The following LRP1B variants were observed in gnomAD, a reference collection of about 807,000 sequenced individuals.
LRP1B encodes the protein LDL receptor related protein 1B, also known as low-density lipoprotein receptor-related protein 1B.
In LRP1B, 217 loss-of-function variants were observed where a neutral mutation model predicts 556.6. The ratio of observed to expected loss-of-function variants is 0.39; its 90% CI spans 0.35 to 0.44. The LOEUF is 0.44. LRP1B is among the 20% of genes least tolerant of loss of function. The pLI is 1.00. For synonymous variants in LRP1B, 2,047 were observed against 1,865.8 expected (o/e 1.10, Z -2.50); for missense variants, 5,053 against 5,620.8 (o/e 0.90, Z 3.23).
intron 81 of LRP1B, 45 bp from the exon 82 acceptor site, chr2:140,322,133 A>G: frequency 6.4e-7 from 1 of 1,556,246 alleles, no homozygotes; most frequent in Non-Finnish European, 8.7e-7. Flanking sequence ...ATATAGATAC[A>G]ATAGGCTTCA....
chr2:140,763,371 C>G (rs1045547053), intron 35 of LRP1B, among the ~76,000 whole-genome samples: 17 of 152,068 alleles, frequency 1.1e-4, no homozygotes, highest in Middle Eastern at 3.4e-3. Context: ...AGAAATATGG[C>G]AGCACAAAGT....
At chr2:141,350,936 A>G (rs1451986347) in intron 3 of LRP1B, among the ~76,000 whole-genome samples, 2 of 152,080 alleles carry the variant, frequency 1.3e-5, no homozygotes, top group Admixed American at 6.6e-5. Flanking sequence ...TTCATTGTGC[A>G]CTATTAAACC....
At chr2:141,095,888 T>G (rs1253277369) in intron 7 of LRP1B, among the ~76,000 whole-genome samples, 1 of 152,108 alleles carries the variant, frequency 6.6e-6, no homozygotes, top group Non-Finnish European at 1.5e-5. Flanking sequence ...ATCAGTACAT[T>G]CTTCCCAGAT....
chr2:142,076,857 T>C (rs1407643861), intron 1 of LRP1B, among the ~76,000 whole-genome samples: 1 of 152,118 alleles, frequency 6.6e-6, no homozygotes, highest in African/African-American at 2.4e-5. Context: ...ATATTTATGA[T>C]TGGAATTTTC....
intron 1 of LRP1B, among the ~76,000 whole-genome samples, chr2:141,971,844 C>A (rs192703612): frequency 6.4e-4 from 97 of 151,556 alleles, no homozygotes; most frequent in Non-Finnish European, 1.3e-3. Context: ...TTGAAACTGA[C>A]AATCTGTCAG....
chr2:140,500,687 G>A (rs1365424352), intron 55 of LRP1B, among the ~76,000 whole-genome samples: 3 of 152,038 alleles, frequency 2.0e-5, no homozygotes, highest in South Asian at 2.1e-4. Flanking sequence ...CTAGCAAATC[G>A]TCTTTGCTCT....
At chr2:140,859,949 C>T (rs893336080) in intron 27 of LRP1B, among the ~76,000 whole-genome samples, 34 of 152,060 alleles carry the variant, frequency 2.2e-4, no homozygotes, top group African/African-American at 7.7e-4. Flanking sequence ...GAGCGGAGAT[C>T]GCACCCCTGC....
intron 2 of LRP1B, among the ~76,000 whole-genome samples, chr2:141,668,264 C>T (rs1425367290): frequency 2.6e-5 from 4 of 152,058 alleles, no homozygotes; most frequent in East Asian, 1.9e-4. Flanking sequence ...TATATTGATA[C>T]GGACAGGAGA....
chr2:140,431,310 C>G (rs909348041), intron 66 of LRP1B, among the ~76,000 whole-genome samples: 1 of 152,186 alleles, frequency 6.6e-6, no homozygotes, highest in Admixed American at 6.5e-5. Context: ...CAGGCCTGTC[C>G]TCGGAATGCT....
In LRP1B at chr2:141,058,916, T is replaced by C; in HGVS notation, c.1375A>G (p.Ile459Val). Residue 459 changes from isoleucine (I) to valine (V), a missense_variant, in exon 9 of 91, where the codon ATC (isoleucine) becomes GTC (valine). By Grantham distance (29) the Ile-to-Val change is conservative (BLOSUM62 3). Around this residue, in one of 5 missense-constraint regions of LRP1B, gnomAD observed 3,619 missense variants for 3,931.9 expected, o/e 0.92. Transcript: ENST00000389484. ...TGAGTTCTTTTTTGATAAATTCGGATTCCCCAAGCATTCTCAATTTTAATT... is the reference window on the plus strand; with the variant it reads ...TGAGTTCTTTTTTGATAAATTCGGACTCCCCAAGCATTCTCAATTTTAATT... ...SLIKIENAWGIRIYQKRTQPT... is the reference protein window; with the variant it reads ...SLIKIENAWGVRIYQKRTQPT... The C allele has an allele frequency of 6.3e-7, 1 of 1,590,956 alleles. No homozygotes were observed. Among genetic ancestry groups the C allele is most frequent in the Non-Finnish European group, 8.5e-7 (1 of 1,171,584 alleles).
intron 20 of LRP1B, among the ~76,000 whole-genome samples, chr2:140,937,524 G>T (rs74268817): frequency 0.092 from 14,021 of 152,078 alleles, 887 homozygotes; most frequent in East Asian, 0.23. Flanking sequence ...GTATGAAGGA[G>T]TGTTGATGCT....
At chr2:141,759,832 A>T (rs1694466582) in intron 2 of LRP1B, among the ~76,000 whole-genome samples, 1 of 152,156 alleles carries the variant, frequency 6.6e-6, no homozygotes. Context: ...TTACATGTCA[A>T]AAGCAATGGA....
intron 53 of LRP1B, 60 bp downstream of exon 53, chr2:140,506,736 A>G (rs1558929695): frequency 3.2e-6 from 5 of 1,550,898 alleles, no homozygotes; most frequent in Non-Finnish European, 4.4e-6. Flanking sequence ...TTATTTACAT[A>G]CTAGTTTTGA....
At chr2:140,978,097 A>AAC (rs1446845782) in intron 18 of LRP1B, among the ~76,000 whole-genome samples, 1 of 152,204 alleles carries the variant, frequency 6.6e-6, no homozygotes, top group Admixed American at 6.5e-5. Context: ...AAAAAAGTTA[A>AAC]ACAACTGCTT....
At chr2:140,526,023 G>A (rs756030565) in intron 48 of LRP1B, 30 bp from the exon 49 acceptor site, 3 of 1,607,802 alleles carry the variant, frequency 1.9e-6, no homozygotes, top group Non-Finnish European at 2.6e-6. Context: ...AAATGAAAAA[G>A]TACCTCATTT....
At chr2:140,834,598 G>T (rs1311971222) in intron 31 of LRP1B, among the ~76,000 whole-genome samples, 4 of 152,096 alleles carry the variant, frequency 2.6e-5, no homozygotes, top group African/African-American at 9.7e-5. Flanking sequence ...CTAAGACTTG[G>T]CCAGTTAGTG....
chr2:140,806,305 G>A (rs1007473414), intron 32 of LRP1B, among the ~76,000 whole-genome samples: 2 of 151,936 alleles, frequency 1.3e-5, no homozygotes, highest in Non-Finnish European at 2.9e-5. Context: ...ATATATATAT[G>A]CATACACCTT....
chr2:141,275,276 A>G (rs1308707328), intron 3 of LRP1B, among the ~76,000 whole-genome samples: 2 of 152,234 alleles, frequency 1.3e-5, no homozygotes, highest in Non-Finnish European at 2.9e-5. Flanking sequence ...AACAGTGAAT[A>G]TTGGTTTAAA....
At chr2:141,585,800 G>A (rs1250923981) in intron 2 of LRP1B, among the ~76,000 whole-genome samples, 1 of 151,888 alleles carries the variant, frequency 6.6e-6, no homozygotes, top group East Asian at 1.9e-4. Flanking sequence ...TGAGAGATGG[G>A]TGCCTTACTC....
Sources: gnomAD v4.1 joint callset for allele counts (sites outside exome capture counted in the v4.1 genomes callset) on GRCh38, gnomAD v4.1.1 for gene constraint, gnomAD v4.1.1 regional missense constraint, MANE v1.5 for transcripts, NCBI Gene and HGNC (gene_info 2026-07-23, HGNC 2026-07-21) for gene names.